The following LMBRD2 variants were observed in gnomAD, a reference collection of about 807,000 sequenced individuals.
LMBRD2 encodes G protein-coupled receptor-associated protein LMBRD2.
A neutral mutation model predicts 94.4 loss-of-function variants in LMBRD2; 55 were observed. That is an observed-to-expected ratio of 0.58 (90% CI 0.47 to 0.73). LMBRD2 has a LOEUF of 0.73. Ranked by LOEUF, LMBRD2 falls within the 30% of genes least tolerant of loss-of-function variation. The probability of loss-of-function intolerance (pLI) is 0.00; values close to 1 mark genes in which losing one functional copy is unlikely to be tolerated. For synonymous variants in LMBRD2, 246 were observed against 272.4 expected (o/e 0.90, Z 0.95); for missense variants, 640 against 831.9 (o/e 0.77, Z 2.84).
At chr5:36,111,835 C>T (rs958882179) in intron 13 of LMBRD2, among the ~76,000 whole-genome samples, 1 of 152,070 alleles carries the variant, frequency 6.6e-6, no homozygotes, top group Non-Finnish European at 1.5e-5. Flanking sequence ...TTAATTTTAA[C>T]TATCACTCTA....
chr5:36,144,422 C>T (rs1196277194), intron 1 of LMBRD2, among the ~76,000 whole-genome samples: 4 of 152,258 alleles, frequency 2.6e-5, no homozygotes, highest in South Asian at 4.1e-4. Flanking sequence ...GTGGCTCACA[C>T]CTGTAATCCT....
intron 1 of LMBRD2, among the ~76,000 whole-genome samples, chr5:36,148,442 T>G (rs191086614): frequency 1.1e-3 from 173 of 152,284 alleles, no homozygotes; most frequent in Middle Eastern, 3.4e-3. Flanking sequence ...AACTAAAATT[T>G]TACTGAATTC....
intron 14 of LMBRD2, among the ~76,000 whole-genome samples, 180 bp from the exon 15 acceptor site, chr5:36,110,171 T>C (rs542835824): frequency 6.6e-6 from 1 of 152,194 alleles, no homozygotes; most frequent in East Asian, 1.9e-4. Context: ...GAATGCCTTC[T>C]CTATTTTTGT....
At chr5:36,134,407 T>C (rs1744222079) in intron 6 of LMBRD2, among the ~76,000 whole-genome samples, 3 of 152,148 alleles carry the variant, frequency 2.0e-5, no homozygotes, top group South Asian at 4.1e-4. Context: ...ATGGGTTGAA[T>C]TGTGTCCCCT....
At position 36,108,642 on chromosome 5, in the gene LMBRD2, A is replaced by T; in HGVS notation, c.1792-3T>A. 1 of 1,408,302 alleles carries T rather than the reference A, an allele frequency of 7.1e-7. No individual in the cohort carries two copies. The highest frequency in any genetic ancestry group is 9.8e-7 in the Non-Finnish European group (1 of 1,021,162). The allele number at this position is 1,408,302 out of a possible 1,614,324, so 87.2% of individuals were successfully genotyped here. A position where few individuals can be genotyped will look rare whatever the true frequency, so the allele number is the denominator to read the frequency against. On this transcript the variant is annotated splice_region_variant and splice_polypyrimidine_tract_variant and intron_variant, in intron 15 of 17. Transcript: ENST00000296603. ...TGTCCATAACGTTCTTTCCATTCCT[A>T]GAAAAGAAGCACAAATAATCATATA...
intron 1 of LMBRD2, among the ~76,000 whole-genome samples, chr5:36,144,152 G>A (rs897703685): frequency 2.6e-5 from 4 of 151,952 alleles, no homozygotes; most frequent in African/African-American, 7.2e-5. Flanking sequence ...AGTCATCAGC[G>A]AATAGTTTAC....
intron 4 of LMBRD2, among the ~76,000 whole-genome samples, chr5:36,138,392 G>A (rs1413215508): frequency 2.0e-5 from 3 of 152,202 alleles, no homozygotes; most frequent in African/African-American, 7.2e-5. Context: ...ACAGAATACT[G>A]ATACATACAG....
At chr5:36,110,136 T>G (rs573850763) in intron 14 of LMBRD2, 145 bp from the exon 15 acceptor site, 1 of 626,548 alleles carries the variant, frequency 1.6e-6, no homozygotes, top group South Asian at 2.5e-5. Context: ...TGGAAGGAAT[T>G]TGAGAGGTTA....
chr5:36,142,697 T>C, intron 2 of LMBRD2, 98 bp from the exon 3 acceptor site: 1 of 675,682 alleles, frequency 1.5e-6, no homozygotes, highest in South Asian at 1.7e-5. Context: ...TAAACTTACC[T>C]TCTTGGCTAT....
At chr5:36,109,504 TG>T (rs1188512131) in intron 15 of LMBRD2, among the ~76,000 whole-genome samples, 1 of 152,124 alleles carries the variant, frequency 6.6e-6, no homozygotes, top group Non-Finnish European at 1.5e-5. Context: ...ACTCATTTTT[TG>T]CCTTTTCATT....
chr5:36,112,395 G>A (rs1489045027), intron 13 of LMBRD2, among the ~76,000 whole-genome samples: 1 of 152,142 alleles, frequency 6.6e-6, no homozygotes, highest in Non-Finnish European at 1.5e-5. Context: ...TCTCTAGGCA[G>A]GTAGGTCTGA....
chr5:36,109,288 T>C (rs578214008), intron 15 of LMBRD2, among the ~76,000 whole-genome samples: 4 of 152,234 alleles, frequency 2.6e-5, no homozygotes, highest in African/African-American at 9.6e-5. Context: ...TTCTGGTAAA[T>C]TGTGTAATTT....
In LMBRD2 at chr5:36,127,856, C is replaced by T. The variant is rs561555016; in HGVS notation, c.748-3591G>A. Among the ~76,000 whole-genome samples the T allele has an allele frequency of 5.1e-4, 78 of 152,292 alleles. No homozygotes were observed. The South Asian group carries it at 0.015, about 30-fold the overall frequency. On this transcript the variant is annotated intron_variant, in intron 6 of 17. Coordinates refer to ENST00000296603, the MANE Select transcript of LMBRD2 (RefSeq NM_001007527.2). ...CACTCTGAAGGGAAGAACAAAAGCT[C>T]GGGTGGCTTTGCCACCTGCTGACTG...
chr5:36,150,236 T>C (rs921028931), intron 1 of LMBRD2, among the ~76,000 whole-genome samples: 3 of 152,212 alleles, frequency 2.0e-5, no homozygotes, highest in African/African-American at 7.2e-5. Flanking sequence ...TGTTCACTAA[T>C]TCAGATGTTG....
At chr5:36,148,347 G>A (rs1301413290) in intron 1 of LMBRD2, among the ~76,000 whole-genome samples, 17 of 152,012 alleles carry the variant, frequency 1.1e-4, no homozygotes, top group Middle Eastern at 3.5e-3. Context: ...ACAAGCCCCT[G>A]AGGACAGTGG....
rs1743403044 is a variant in LMBRD2, at chr5:36,103,871, T to C, written c.*175A>G. 1 of 498,588 alleles carries C rather than the reference T, an allele frequency of 2.0e-6. No homozygotes were observed. The highest frequency in any genetic ancestry group is 1.9e-5 in the African/African-American group (1 of 51,384). 30.9% of individuals were successfully genotyped at this position (498,588 alleles called of 1,614,324 possible). On this transcript the variant is annotated 3_prime_UTR_variant, in exon 18 of 18. Transcript: ENST00000296603. ...TAAATCTTGTTGAAAAAGGTGATACTCTATTCAATGCACATTAAACTATTA... is the reference window on the plus strand; with the variant it reads ...TAAATCTTGTTGAAAAAGGTGATACCCTATTCAATGCACATTAAACTATTA...
At position 36,136,398 on chromosome 5, in the gene LMBRD2, CCCT is replaced by C; in HGVS notation, c.655_657del (p.Arg219del). 6.2e-7 allele frequency: 1 copy of C among 1,614,014 alleles called. No homozygotes were observed. The highest frequency in any genetic ancestry group is 1.7e-5 in the Admixed American group (1 of 60,006). On this transcript the variant is annotated inframe_deletion, in exon 6 of 18. Transcript: ENST00000296603. ...AAATACGTTTTCATAAGTAGATAAC[CCCT>C]TTTTGCTCCATTCCAGTATGATCGA...
intron 17 of LMBRD2, 22 bp downstream of exon 17, chr5:36,105,046 A>C: frequency 6.2e-7 from 1 of 1,609,654 alleles, no homozygotes; most frequent in Non-Finnish European, 8.5e-7. Context: ...GCTAGAGCTA[A>C]AATGTCACAG....
chr5:36,106,381 T>C (rs1581039477), intron 16 of LMBRD2, among the ~76,000 whole-genome samples: 1 of 152,246 alleles, frequency 6.6e-6, no homozygotes, highest in East Asian at 1.9e-4. Flanking sequence ...TGGTTTCTAG[T>C]CTCACTTCCC....
Sources: gnomAD v4.1 joint callset for allele counts (sites outside exome capture counted in the v4.1 genomes callset) on GRCh38, gnomAD v4.1.1 for gene constraint, MANE v1.5 for transcripts, NCBI Gene and HGNC (gene_info 2026-07-23, HGNC 2026-07-21) for gene names.